RUNX2: variants seen among roughly 807,000 people sequenced by gnomAD.
RUNX2 encodes RUNX family transcription factor 2.
A neutral mutation model predicts 51.7 loss-of-function variants in RUNX2; 10 were observed. The ratio of observed to expected loss-of-function variants is 0.19; its 90% CI spans 0.12 to 0.33. RUNX2 has a LOEUF of 0.33. RUNX2 is among the 10% of genes least tolerant of loss of function. The probability of loss-of-function intolerance (pLI) is 1.00; values close to 1 mark genes in which losing one functional copy is unlikely to be tolerated. For missense variants in RUNX2, 562 were observed against 691.3 expected, an observed-to-expected ratio of 0.81 and a Z score of 2.10; for synonymous variants, 276 against 273.6, an observed-to-expected ratio of 1.01 and a Z score of -0.09.
chr6:45,417,983 T>G (rs1011832955), intron 2 of RUNX2, among the ~76,000 whole-genome samples: 3 of 152,232 alleles, frequency 2.0e-5, no homozygotes, highest in Admixed American at 2.0e-4. Context: ...CTGAGTAACC[T>G]TCTGTCAATC....
chr6:45,527,614 AC>A, intron 7 of RUNX2, among the ~76,000 whole-genome samples: 1 of 152,344 alleles, frequency 6.6e-6, no homozygotes, highest in East Asian at 1.9e-4. Flanking sequence ...ATGTTTAGAC[AC>A]TATTATACAC....
intron 7 of RUNX2, among the ~76,000 whole-genome samples, chr6:45,533,888 C>CTTTTT (rs553154980): frequency 3.7e-5 from 4 of 108,082 alleles, no homozygotes; most frequent in Admixed American, 1.1e-4. Flanking sequence ...CCTGTTGAGA[C>CTTTTT]TTTTTTTTTT....
At chr6:45,515,173 C>A (rs921990646) in intron 7 of RUNX2, among the ~76,000 whole-genome samples, 1 of 152,126 alleles carries the variant, frequency 6.6e-6, no homozygotes, top group African/African-American at 2.4e-5. Flanking sequence ...ATCTCCATAT[C>A]TAAAGGGATA....
At chr6:45,393,387 T>C (rs1490663249) in intron 2 of RUNX2, among the ~76,000 whole-genome samples, 3 of 152,188 alleles carry the variant, frequency 2.0e-5, no homozygotes, top group Non-Finnish European at 4.4e-5. Context: ...GGTGTCAGTG[T>C]CTAAAATGTA....
In RUNX2 at chr6:45,492,448, C is replaced by T. The variant is rs147072070; in HGVS notation, c.859+334C>T. 5.1e-4 allele frequency among the ~76,000 whole-genome samples: 78 copies of T among 152,078 alleles called. 1 individual carries two copies. The East Asian group carries it at 0.012, about 23-fold the overall frequency. ...GGTGGTGCAGGGGATAACATCACACCCTTACTATTAGAAAATTAGTGTTAC... is the reference window on the plus strand; with the variant it reads ...GGTGGTGCAGGGGATAACATCACACTCTTACTATTAGAAAATTAGTGTTAC... On this transcript the variant is annotated intron_variant, in intron 6 of 8. Coordinates refer to ENST00000647337, the MANE Select transcript of RUNX2 (RefSeq NM_001024630.4).
chr6:45,518,243 G>A (rs1049725804), intron 7 of RUNX2, among the ~76,000 whole-genome samples: 3 of 151,986 alleles, frequency 2.0e-5, no homozygotes, highest in Admixed American at 6.6e-5. Flanking sequence ...TAAAGCCACA[G>A]AGTGGGGAAG....
At chr6:45,477,188 GA>G (rs1369567695) in intron 5 of RUNX2, among the ~76,000 whole-genome samples, 1 of 152,082 alleles carries the variant, frequency 6.6e-6, no homozygotes, top group Non-Finnish European at 1.5e-5. Flanking sequence ...CTCTTTCCTA[GA>G]TCACTTTTTG....
chr6:45,533,350 A>G (rs1210145669), intron 7 of RUNX2, among the ~76,000 whole-genome samples: 1 of 152,232 alleles, frequency 6.6e-6, no homozygotes, highest in Non-Finnish European at 1.5e-5. Context: ...CACTTTGAGA[A>G]CAAGGCTCTA....
chr6:45,518,024 G>T (rs1563120842), intron 7 of RUNX2, among the ~76,000 whole-genome samples: 1 of 152,152 alleles, frequency 6.6e-6, no homozygotes, highest in African/African-American at 2.4e-5. Context: ...AATGCCTTAA[G>T]AAAGGTTAAA....
intron 3 of RUNX2, among the ~76,000 whole-genome samples, chr6:45,430,217 A>G (rs1299376839): frequency 6.6e-6 from 1 of 152,148 alleles, no homozygotes; most frequent in Admixed American, 6.5e-5. Context: ...CCTAACTCAT[A>G]TAATCTGGAC....
At chr6:45,540,756 C>T (rs1802196720) in intron 7 of RUNX2, among the ~76,000 whole-genome samples, 1 of 152,228 alleles carries the variant, frequency 6.6e-6, no homozygotes, top group South Asian at 2.1e-4. Flanking sequence ...CTGGCCTGGC[C>T]CTCTTTCCCC....
Position 45,512,308 on chromosome 6 carries a change from A to C in RUNX2, c.922A>C (p.Ser308Arg), listed in dbSNP as rs1443036287. ...SYDQSYPSYLSQMTSPSIHST... is the reference protein window; with the variant it reads ...SYDQSYPSYLRQMTSPSIHST... ...TGACCAGTCTTACCCCTCCTACCTG[A>C]GCCAGATGACGTCCCCGTCCATCCA... The change falls in exon 7 of 9, where the codon AGC (serine) becomes CGC (arginine). Residue 308 changes from serine (S) to arginine (R), a missense_variant. This residue lies in a region of RUNX2 where 304 missense variants were observed against 353.2 expected (regional missense o/e 0.86). Transcript: ENST00000647337. The C allele has an allele frequency of 3.1e-6, 5 of 1,614,060 alleles. No individual in the cohort carries two copies. The highest frequency in any genetic ancestry group is 4.2e-6 in the Non-Finnish European group (5 of 1,179,996).
At chr6:45,367,168 G>A (rs1366391368) in intron 2 of RUNX2, among the ~76,000 whole-genome samples, 2 of 152,132 alleles carry the variant, frequency 1.3e-5, no homozygotes, top group East Asian at 3.9e-4. Flanking sequence ...TAGGTGACTA[G>A]GTTTGGAATA....
intron 6 of RUNX2, among the ~76,000 whole-genome samples, chr6:45,501,763 C>T (rs1180801610): frequency 6.6e-6 from 1 of 152,152 alleles, no homozygotes; most frequent in Non-Finnish European, 1.5e-5. Flanking sequence ...GCCCATTCTG[C>T]TTTCTGATAG....
intron 5 of RUNX2, among the ~76,000 whole-genome samples, chr6:45,461,123 A>C (rs1211694677): frequency 1.3e-5 from 2 of 152,186 alleles, no homozygotes; most frequent in Non-Finnish European, 2.9e-5. Flanking sequence ...CAGAGGATGA[A>C]TGTTGGGGAG....
In RUNX2 at chr6:45,439,874, A is replaced by G. The variant is rs115961871; in HGVS notation, c.685+1823A>G. 3.0e-3 allele frequency among the ~76,000 whole-genome samples: 457 copies of G among 152,314 alleles called. 4 individuals carry two copies. The highest frequency in any genetic ancestry group is 5.4e-3 in the Non-Finnish European group (369 of 68,024). On this transcript the variant is annotated intron_variant, in intron 5 of 8. Coordinates refer to ENST00000647337, the MANE Select transcript of RUNX2 (RefSeq NM_001024630.4). ...TTTCAAGTGTGCATAGCAGTACCTT[A>G]TTTCAGAGAGGTTTTTGTCCAAATT...
At chr6:45,543,489 G>A (rs1327277721) in intron 7 of RUNX2, among the ~76,000 whole-genome samples, 1 of 152,188 alleles carries the variant, frequency 6.6e-6, no homozygotes, top group Non-Finnish European at 1.5e-5. Flanking sequence ...ACTGGCTCTT[G>A]GGAGCTCTGA....
chr6:45,464,810 A>G (rs1489506600), intron 5 of RUNX2, among the ~76,000 whole-genome samples: 3 of 152,230 alleles, frequency 2.0e-5, no homozygotes, highest in Non-Finnish European at 4.4e-5. Context: ...GTGCCTTGGT[A>G]GGATTTAAGC....
chr6:45,530,309 A>C (rs1223588298), intron 7 of RUNX2, among the ~76,000 whole-genome samples: 1 of 152,264 alleles, frequency 6.6e-6, no homozygotes, highest in East Asian at 1.9e-4. Flanking sequence ...AAAGTTCATT[A>C]AAATCAAATA....
Sources: allele counts gnomAD v4.1 joint callset (sites outside exome capture counted in the v4.1 genomes callset), GRCh38; gene constraint gnomAD v4.1.1; regional missense constraint gnomAD v4.1.1; transcripts MANE v1.5; gene names NCBI Gene and HGNC (gene_info 2026-07-23, HGNC 2026-07-21).